The following KIF26B variants were observed in gnomAD, a reference collection of about 807,000 sequenced individuals.
KIF26B encodes kinesin family member 26B, also known as kinesin-like protein KIF26B.
Under a neutral mutation model 151.2 loss-of-function variants are expected in KIF26B, and 63 were observed. The observed-to-expected ratio is 0.42, with a 90% CI of 0.34 to 0.51. KIF26B has a LOEUF of 0.51. Ranked by LOEUF, KIF26B falls within the 20% of genes least tolerant of loss-of-function variation. KIF26B has a pLI of 0.07. For missense variants in KIF26B, 2,813 were observed against 2,913.6 expected (o/e 0.97, Z 0.79); for synonymous variants, 1,357 against 1,262.1 (o/e 1.08, Z -1.59).
chr1:245,174,507 T>TGTAC (rs1343357748), intron 2 of KIF26B, among the ~76,000 whole-genome samples: 2 of 140,148 alleles, frequency 1.4e-5, no homozygotes, highest in Admixed American at 7.3e-5. Flanking sequence ...TACTTATTTA[T>TGTAC]TTATTTATTT....
chr1:245,692,596 C>T (rs769307367), intron 12 of KIF26B, among the ~76,000 whole-genome samples: 10 of 152,064 alleles, frequency 6.6e-5, no homozygotes, highest in Non-Finnish European at 1.5e-4. Flanking sequence ...CAGAGCAAGA[C>T]GCTAGCAAAC....
intron 9 of KIF26B, among the ~76,000 whole-genome samples, chr1:245,641,270 C>A (rs1260366204): frequency 2.9e-5 from 4 of 136,344 alleles, no homozygotes; most frequent in Non-Finnish European, 6.4e-5. Context: ...ACCCTCTTTG[C>A]CTTTGACCTT....
At chr1:245,458,310 C>T (rs1006007090) in intron 4 of KIF26B, among the ~76,000 whole-genome samples, 21 of 152,138 alleles carry the variant, frequency 1.4e-4, no homozygotes, top group African/African-American at 4.6e-4. Context: ...ATAAAGGCAG[C>T]GGCTATTTAG....
At chr1:245,622,596 A>G (rs2043675971) in intron 9 of KIF26B, among the ~76,000 whole-genome samples, 1 of 152,144 alleles carries the variant, frequency 6.6e-6, no homozygotes, top group South Asian at 2.1e-4. Flanking sequence ...AACACCTTTC[A>G]ATCTTGCCCC....
At chr1:245,591,008 C>T (rs1055601457) in intron 5 of KIF26B, among the ~76,000 whole-genome samples, 1 of 151,836 alleles carries the variant, frequency 6.6e-6, no homozygotes. Flanking sequence ...ATGATTAGGT[C>T]TCCTGAACTC....
chr1:245,208,297 T>C (rs1418607270), intron 2 of KIF26B, among the ~76,000 whole-genome samples: 3 of 152,248 alleles, frequency 2.0e-5, no homozygotes, highest in Non-Finnish European at 4.4e-5. Context: ...ATTGTCCCAC[T>C]TAACAGCCAA....
At chr1:245,513,237 G>A (rs113303646) in intron 4 of KIF26B, among the ~76,000 whole-genome samples, 1 of 122,100 alleles carries the variant, frequency 8.2e-6, no homozygotes, top group Non-Finnish European at 1.6e-5. Context: ...GCCCCCTCTA[G>A]AATCTCACGT....
chr1:245,157,326 G>A (rs1668455858), intron 2 of KIF26B, among the ~76,000 whole-genome samples: 1 of 152,168 alleles, frequency 6.6e-6, no homozygotes, highest in Non-Finnish European at 1.5e-5. Context: ...AGCCCCCAGG[G>A]GATAGCAATG....
At chr1:245,156,211 G>A (rs981024278) in intron 1 of KIF26B, 71 bp from the exon 2 acceptor site, 8 of 1,505,642 alleles carry the variant, frequency 5.3e-6, no homozygotes, top group African/African-American at 1.4e-5. Context: ...GGTGGCGCAC[G>A]TATGACCCAG....
chr1:245,326,382 T>C (rs978549024), intron 2 of KIF26B, among the ~76,000 whole-genome samples: 2 of 152,198 alleles, frequency 1.3e-5, no homozygotes, highest in African/African-American at 4.8e-5. Flanking sequence ...TGGACAGTGG[T>C]AGATTTGTTC....
intron 2 of KIF26B, among the ~76,000 whole-genome samples, chr1:245,242,706 G>C (rs1006525526): frequency 1.2e-4 from 18 of 152,182 alleles, no homozygotes; most frequent in Admixed American, 7.2e-4. Flanking sequence ...GGCTGGAGTG[G>C]AGTGGCGTGA....
intron 2 of KIF26B, among the ~76,000 whole-genome samples, chr1:245,276,428 T>C (rs1201352941): frequency 4.6e-5 from 7 of 152,222 alleles, no homozygotes; most frequent in African/African-American, 1.7e-4. Flanking sequence ...GGTTTTCTCC[T>C]GTTTATTTTG....
chr1:245,614,145 C>T lies in KIF26B; in HGVS notation c.2098+2169C>T, dbSNP rs554163790. On this transcript the variant is annotated intron_variant, in intron 9 of 14. Transcript: ENST00000407071. ...CACGCGTCTCTTGTTTCTTCTGGTT[C>T]CTGCTGCCTGTTCTGCCTGCTCCTT... 1.8e-4 allele frequency among the ~76,000 whole-genome samples: 27 copies of T among 152,210 alleles called. No homozygotes were observed. In the South Asian group the frequency reaches 5.4e-3, roughly 30 times the overall value.
chr1:245,305,929 G>A (rs1319361905), intron 2 of KIF26B, among the ~76,000 whole-genome samples: 2 of 95,072 alleles, frequency 2.1e-5, no homozygotes, highest in African/African-American at 4.6e-5. Flanking sequence ...AGAGCGAGAC[G>A]ACTCCTCAAA....
At chr1:245,408,681 A>G (rs1356353938) in intron 3 of KIF26B, among the ~76,000 whole-genome samples, 1 of 152,070 alleles carries the variant, frequency 6.6e-6, no homozygotes, top group Non-Finnish European at 1.5e-5. Flanking sequence ...TTTAAAATAC[A>G]ATCTTTTGCT....
intron 10 of KIF26B, among the ~76,000 whole-genome samples, chr1:245,670,433 T>C (rs771234282): frequency 6.6e-6 from 1 of 151,650 alleles, no homozygotes; most frequent in Non-Finnish European, 1.5e-5. Context: ...TGATTTGATA[T>C]ATATTGTGAA....
At chr1:245,338,669 C>T (rs935948736) in intron 2 of KIF26B, among the ~76,000 whole-genome samples, 3 of 152,180 alleles carry the variant, frequency 2.0e-5, no homozygotes, top group African/African-American at 7.2e-5. Context: ...GAAATTAGCT[C>T]TGAGTCTTTT....
chr1:245,422,651 T>A lies in KIF26B; in HGVS notation c.1166+2906T>A, dbSNP rs546408853. Among the ~76,000 whole-genome samples the A allele has an allele frequency of 2.6e-5, 4 of 152,076 alleles. No individual in the cohort carries two copies. The South Asian group carries it at 8.4e-4, about 32-fold the overall frequency. On this transcript the variant is annotated intron_variant, in intron 4 of 14. Transcript: ENST00000407071. ...TGATAAGTGTCTGTCCTCATAGGGG[T>A]TTGGGGCAGAGTCAGCTCCTACACC...
At chr1:245,268,843 C>A (rs1670797432) in intron 2 of KIF26B, among the ~76,000 whole-genome samples, 2 of 152,154 alleles carry the variant, frequency 1.3e-5, no homozygotes, top group African/African-American at 4.8e-5. Flanking sequence ...GCATGGGACA[C>A]AGGACTTTCA....
Sources: allele counts gnomAD v4.1 joint callset (sites outside exome capture counted in the v4.1 genomes callset), GRCh38; gene constraint gnomAD v4.1.1; transcripts MANE v1.5; gene names NCBI Gene and HGNC (gene_info 2026-07-23, HGNC 2026-07-21).